Variants in KDM1B observed in about 807,000 individuals in gnomAD.
The protein encoded by KDM1B is lysine-specific histone demethylase 2.
KDM1B carries 63 observed loss-of-function variants against 107.4 expected under a neutral mutation model. The ratio of observed to expected loss-of-function variants is 0.59; its 90% CI spans 0.48 to 0.72. The LOEUF (loss-of-function observed/expected upper bound fraction) is 0.72, where lower values mean the gene tolerates loss of function less well. Ranked by LOEUF, KDM1B falls within the 30% of genes least tolerant of loss-of-function variation. KDM1B has a pLI of 0.00. For missense variants in KDM1B, 749 were observed against 1,020.8 expected, an observed-to-expected ratio of 0.73 and a Z score of 3.63; for synonymous variants, 363 against 363.9, an observed-to-expected ratio of 1.00 and a Z score of 0.03.
At chr6:18,160,234 C>T (rs9297057) in intron 3 of KDM1B, among the ~76,000 whole-genome samples, 1,797 of 152,252 alleles carry the variant, frequency 0.012, 33 homozygotes, top group African/African-American at 0.041. Context: ...CAGAGATTCA[C>T]GGCTGTGTGG....
rs542481057 is a variant in KDM1B, at chr6:18,180,211, G to A, written c.535-5561G>A. Among the ~76,000 whole-genome samples the A allele has an allele frequency of 2.6e-5, 4 of 151,860 alleles. No homozygotes were observed. The South Asian group carries it at 8.3e-4, about 32-fold the overall frequency. ...CGTGGGCAGTTCATTTCCAGGCTGC[G>A]TGGCTGCACTGATGGGAGCTGGGAA... On this transcript the variant is annotated intron_variant, in intron 7 of 21. Transcript: ENST00000650836.
At chr6:18,220,016 C>T (rs1789559074) in intron 21 of KDM1B, among the ~76,000 whole-genome samples, 1 of 152,168 alleles carries the variant, frequency 6.6e-6, no homozygotes, top group Non-Finnish European at 1.5e-5. Flanking sequence ...GTCTTTAAGC[C>T]AATCCTGTTT....
intron 6 of KDM1B, among the ~76,000 whole-genome samples, chr6:18,170,004 G>GC: frequency 6.6e-4 from 1 of 1,512 alleles, no homozygotes; most frequent in South Asian, 3.9e-3. Flanking sequence ...CCACCTCCCA[G>GC]TTCAAGCGAT....
intron 21 of KDM1B, among the ~76,000 whole-genome samples, chr6:18,219,467 A>G (rs571074079): frequency 2.0e-5 from 3 of 152,262 alleles, no homozygotes; most frequent in Admixed American, 2.0e-4. Context: ...AGATTTTAAA[A>G]TCGTCCAACT....
chr6:18,209,683 G>A lies in KDM1B; in HGVS notation c.1866+1477G>A, dbSNP rs577171931. Among the ~76,000 whole-genome samples, 2 of 152,096 alleles carry A rather than the reference G, an allele frequency of 1.3e-5. No individual in the cohort carries two copies. Among genetic ancestry groups the A allele is most frequent in the Non-Finnish European group, 1.5e-5 (1 of 68,030 alleles). ...TGCAGTGGCACAGTCATAGCTCACT[G>A]TAGCCTCGAGCAACTGGGTTCAAGG... On this transcript the variant is annotated intron_variant, in intron 17 of 21. Transcript: ENST00000650836. This position sits in a 1 kb window ranked among gnomAD's most constrained non-coding sequence, Gnocchi z 4.3.
intron 21 of KDM1B, among the ~76,000 whole-genome samples, chr6:18,219,692 C>T (rs984790943): frequency 9.2e-5 from 14 of 152,168 alleles, no homozygotes; most frequent in East Asian, 1.9e-4. Flanking sequence ...TCCAAATCCC[C>T]GATCCATCAC....
intron 9 of KDM1B, among the ~76,000 whole-genome samples, chr6:18,188,990 C>T (rs2150923716): frequency 6.6e-6 from 1 of 151,966 alleles, no homozygotes; most frequent in Non-Finnish European, 1.5e-5. Flanking sequence ...CATCATGTTG[C>T]CCAGGCTGGT....
rs567596044 is a variant in KDM1B, at chr6:18,214,621, G to A, written c.2110-386G>A. On this transcript the variant is annotated intron_variant, in intron 19 of 21. Transcript: ENST00000650836. This position sits in a 1 kb window ranked among gnomAD's most constrained non-coding sequence, Gnocchi z 4.4. The stretch of plus-strand genomic sequence containing the variant: ...AGTGACATTTAACTTGTGAGAGTGA[G>A]GCTCTTGGCCGGGTACAGTGGCTCA... Among the ~76,000 whole-genome samples, 3 of 152,204 alleles carry A rather than the reference G, an allele frequency of 2.0e-5. No homozygotes were observed. In the South Asian group the frequency reaches 6.2e-4, roughly 32 times the overall value.
intron 7 of KDM1B, among the ~76,000 whole-genome samples, chr6:18,177,601 GTCTTGC>G (rs1426567429): frequency 1.3e-5 from 2 of 151,542 alleles, no homozygotes; most frequent in African/African-American, 2.4e-5. Flanking sequence ...TAGTGACAGG[GTCTTGC>G]TCTATTGCCC....
chr6:18,167,789 G>A (rs1373662738), intron 6 of KDM1B, among the ~76,000 whole-genome samples: 1 of 151,772 alleles, frequency 6.6e-6, no homozygotes, highest in Non-Finnish European at 1.5e-5. Context: ...TTAAGATGGG[G>A]CCTTGCTCTG....
Position 18,205,342 on chromosome 6 carries a change from T to TA in KDM1B, c.1532-186dup, listed in dbSNP as rs1247928993. 1.4e-4 allele frequency among the ~76,000 whole-genome samples: 21 copies of TA among 151,128 alleles called. No individual in the cohort carries two copies. Among genetic ancestry groups the TA allele is most frequent in the Admixed American group, 6.6e-4 (10 of 15,156 alleles). On this transcript the variant is annotated intron_variant, in intron 14 of 21. Coordinates refer to ENST00000650836, the MANE Select transcript of KDM1B (RefSeq NM_001364614.2). The surrounding 1 kb of genome is among the most constrained non-coding windows in gnomAD (Gnocchi z 5.7). ...ACTTAAAGTATAATAATAATAAAAT[T>TA]AAAAAAAAAGATAAACTTTCTCTTC...
chr6:18,185,768 G>A lies in KDM1B; in HGVS notation c.535-4G>A. 6.2e-7 allele frequency: 1 copy of A among 1,613,720 alleles called. No individual in the cohort carries two copies. The highest frequency in any genetic ancestry group is 1.1e-5 in the South Asian group (1 of 91,074). ...CTAATTTAACACTTGGTTTTCTTTT[G>A]TAGCCTGAGACCTCAGATCATTGTT... On this transcript the variant is annotated splice_polypyrimidine_tract_variant and splice_region_variant and intron_variant, in intron 7 of 21. Transcript: ENST00000650836.
rs1789107333 is a variant in KDM1B at position 18,214,953 on chromosome 6, A to G, written c.2110-54A>G. ...CAAAAAACAAAAAAAAGAGGCCCTT[A>G]TCTGTGGGAGCTGAGCACTCACAGA... On this transcript the variant is annotated intron_variant, in intron 19 of 21. Coordinates refer to ENST00000650836, the MANE Select transcript of KDM1B (RefSeq NM_001364614.2). The surrounding 1 kb of genome is among the most constrained non-coding windows in gnomAD (Gnocchi z 4.4). The G allele has an allele frequency of 3.2e-6, 5 of 1,571,740 alleles. No homozygotes were observed. The highest frequency in any genetic ancestry group is 4.3e-6 in the Non-Finnish European group (5 of 1,160,602).
intron 6 of KDM1B, among the ~76,000 whole-genome samples, chr6:18,168,752 T>G (rs1270730143): frequency 6.6e-6 from 1 of 152,220 alleles, no homozygotes; most frequent in African/African-American, 2.4e-5. Context: ...GGGTTTGAAG[T>G]GGTATCTCAT....
intron 5 of KDM1B, among the ~76,000 whole-genome samples, chr6:18,166,002 G>C (rs1251441267): frequency 6.6e-6 from 1 of 152,048 alleles, no homozygotes; most frequent in Non-Finnish European, 1.5e-5. Context: ...GCAACACCCT[G>C]TATCAAGGGG....
intron 10 of KDM1B, among the ~76,000 whole-genome samples, chr6:18,195,767 A>G (rs548581371): frequency 2.0e-5 from 3 of 151,668 alleles, no homozygotes; most frequent in Admixed American, 6.6e-5. Context: ...AAATATGTAT[A>G]CATTGTGGAA....
intron 10 of KDM1B, among the ~76,000 whole-genome samples, chr6:18,193,869 A>G (rs1787461562): frequency 6.7e-6 from 1 of 149,372 alleles, no homozygotes; most frequent in Admixed American, 6.7e-5. Context: ...GCAGAGAAAG[A>G]CAGTGTCTTT....
In KDM1B at chr6:18,205,690, T is replaced by C; in HGVS notation, c.1659+26T>C. 6.8e-7 allele frequency: 1 copy of C among 1,477,324 alleles called. No homozygotes were observed. Among genetic ancestry groups the C allele is most frequent in the South Asian group, 1.4e-5 (1 of 73,114 alleles). 91.5% of individuals were successfully genotyped at this position (1,477,324 alleles called of 1,614,324 possible). On this transcript the variant is annotated intron_variant, in intron 15 of 21. Coordinates refer to ENST00000650836, the MANE Select transcript of KDM1B (RefSeq NM_001364614.2). This position sits in a 1 kb window ranked among gnomAD's most constrained non-coding sequence, Gnocchi z 5.7. ...GTGCGCTTGGGTTTTGTGAAAGGTGTGCTTTGAAAATACTTGGTTTAGGCC... is the reference window on the plus strand; with the variant it reads ...GTGCGCTTGGGTTTTGTGAAAGGTGCGCTTTGAAAATACTTGGTTTAGGCC...
chr6:18,206,716 C>T (rs1032817358), intron 15 of KDM1B, among the ~76,000 whole-genome samples: 3 of 152,154 alleles, frequency 2.0e-5, no homozygotes, highest in Non-Finnish European at 4.4e-5. Context: ...TGAGCCACTG[C>T]ACCAGGACTT....
Sources: allele counts gnomAD v4.1 joint callset (sites outside exome capture counted in the v4.1 genomes callset), GRCh38; gene constraint gnomAD v4.1.1; non-coding constraint Gnocchi (gnomAD v3.1); transcripts MANE v1.5; gene names NCBI Gene and HGNC (gene_info 2026-07-23, HGNC 2026-07-21).